The following LYZL4 variants were observed in gnomAD, a reference collection of about 807,000 sequenced individuals.
LYZL4 encodes lysozyme-like protein 4.
In LYZL4, 13 loss-of-function variants were observed where a neutral mutation model predicts 17.6. The observed-to-expected ratio is 0.74, with a 90% CI of 0.48 to 1.18. The LOEUF is 1.18. Among genes scored for constraint, LYZL4 ranks in the 50% most tolerant of loss-of-function variants. LYZL4 has a pLI of 0.00. For missense variants in LYZL4, 174 were observed against 188.2 expected, an observed-to-expected ratio of 0.92 and a Z score of 0.44; for synonymous variants, 64 against 67.7, an observed-to-expected ratio of 0.95 and a Z score of 0.27.
At chr3:42,382,004 A>G in the LYZL4 span, among the ~76,000 whole-genome samples, 1 of 152,240 alleles carries the variant, frequency 6.6e-6, no homozygotes, top group Non-Finnish European at 1.5e-5. Flanking sequence ...AGCACTTTAA[A>G]ACTTTTAAAG....
chr3:42,365,095 A>C, the LYZL4 span, among the ~76,000 whole-genome samples: 5 of 152,196 alleles, frequency 3.3e-5, no homozygotes, highest in African/African-American at 9.7e-5. Flanking sequence ...AAAGAGATTT[A>C]AGGACATAAT....
At chr3:42,394,834 G>A (rs1052567504), downstream of LYZL4, among the ~76,000 whole-genome samples, 1 of 152,244 alleles carries the variant, frequency 6.6e-6, no homozygotes, top group Non-Finnish European at 1.5e-5. Flanking sequence ...GCTGGAAAGA[G>A]GCGGCAGCGC....
the LYZL4 span, among the ~76,000 whole-genome samples, chr3:42,368,799 A>G: frequency 4.6e-4 from 70 of 152,304 alleles, no homozygotes; most frequent in Non-Finnish European, 8.5e-4. Context: ...CCATCTGTAT[A>G]TTATCATTTA....
chr3:42,369,861 C>T, the LYZL4 span, among the ~76,000 whole-genome samples: 8 of 152,126 alleles, frequency 5.3e-5, no homozygotes, highest in Admixed American at 4.6e-4. Context: ...CTGCTCCCTT[C>T]GAGTTCAGTT....
the LYZL4 span, among the ~76,000 whole-genome samples, chr3:42,391,286 G>A: frequency 6.6e-6 from 1 of 152,210 alleles, no homozygotes; most frequent in Non-Finnish European, 1.5e-5. Flanking sequence ...TACATATTTA[G>A]AAGTCATAAA....
At chr3:42,362,027 T>C in the LYZL4 span, among the ~76,000 whole-genome samples, 1 of 152,200 alleles carries the variant, frequency 6.6e-6, no homozygotes, top group Non-Finnish European at 1.5e-5. Context: ...ATTAGGAACA[T>C]GTCACAAGAG....
chr3:42,361,562 T>TA, the LYZL4 span, among the ~76,000 whole-genome samples: 28 of 146,180 alleles, frequency 1.9e-4, no homozygotes, highest in African/African-American at 5.2e-4. Flanking sequence ...CCCCATCTCT[T>TA]AAAAAAATTT....
the LYZL4 span, among the ~76,000 whole-genome samples, chr3:42,375,132 C>G: frequency 3.3e-5 from 5 of 152,106 alleles, no homozygotes; most frequent in Non-Finnish European, 5.9e-5. Flanking sequence ...TTTTTGGTGC[C>G]TAAAAATCAA....
chr3:42,384,032 AC>A, the LYZL4 span, among the ~76,000 whole-genome samples: 1 of 152,196 alleles, frequency 6.6e-6, no homozygotes, highest in Non-Finnish European at 1.5e-5. Flanking sequence ...GAGGAAATAG[AC>A]CCCACATTGA....
chr3:42,387,768 T>C, the LYZL4 span, among the ~76,000 whole-genome samples: 3 of 152,214 alleles, frequency 2.0e-5, no homozygotes, highest in African/African-American at 7.2e-5. Flanking sequence ...ATGGATCATC[T>C]GCCTACCTCC....
chr3:42,402,920 G>C (rs1698682461), intron 4 of LYZL4, among the ~76,000 whole-genome samples: 1 of 152,206 alleles, frequency 6.6e-6, no homozygotes, highest in Non-Finnish European at 1.5e-5. Flanking sequence ...GTATAGCAAT[G>C]AGAATGAATC....
the LYZL4 span, among the ~76,000 whole-genome samples, chr3:42,387,175 G>A: frequency 1.6e-4 from 24 of 152,060 alleles, no homozygotes; most frequent in African/African-American, 4.3e-4. Flanking sequence ...GCAATCCCTC[G>A]TGCATTGCTA....
At chr3:42,372,463 C>T in the LYZL4 span, among the ~76,000 whole-genome samples, 19 of 152,312 alleles carry the variant, frequency 1.2e-4, no homozygotes, top group African/African-American at 4.6e-4. Context: ...TTCTGGGAAA[C>T]ACCAGTATGA....
chr3:42,391,552 A>G, the LYZL4 span, among the ~76,000 whole-genome samples: 119 of 152,354 alleles, frequency 7.8e-4, no homozygotes, highest in African/African-American at 2.8e-3. Flanking sequence ...AGAATTGATC[A>G]CAGCATTTTG....
At chr3:42,401,413 G>A (rs374478919) in intron 4 of LYZL4, among the ~76,000 whole-genome samples, 11 of 151,834 alleles carry the variant, frequency 7.2e-5, no homozygotes, top group East Asian at 5.8e-4. Context: ...ATGGGGTTTC[G>A]CCATGTTGGC....
the LYZL4 span, among the ~76,000 whole-genome samples, chr3:42,376,314 GC>G: frequency 6.6e-6 from 1 of 151,972 alleles, no homozygotes; most frequent in Admixed American, 6.6e-5. Flanking sequence ...CATTGTTGGT[GC>G]CCCCCCACCC....
At chr3:42,376,319 C>A in the LYZL4 span, among the ~76,000 whole-genome samples, 2 of 152,132 alleles carry the variant, frequency 1.3e-5, no homozygotes, top group Non-Finnish European at 2.9e-5. Context: ...TTGGTGCCCC[C>A]CCACCCTCTG....
chr3:42,364,028 T>C, the LYZL4 span, among the ~76,000 whole-genome samples: 6 of 152,154 alleles, frequency 3.9e-5, no homozygotes, highest in East Asian at 7.7e-4. Flanking sequence ...GTAGAACACC[T>C]TGTGACCCTC....
At chr3:42,382,106 T>A in the LYZL4 span, among the ~76,000 whole-genome samples, 1 of 152,252 alleles carries the variant, frequency 6.6e-6, no homozygotes, top group Non-Finnish European at 1.5e-5. Flanking sequence ...ACGGATCACC[T>A]ACTGTTTGCC....
Sources: allele counts gnomAD v4.1 joint callset (sites outside exome capture counted in the v4.1 genomes callset), GRCh38; gene constraint gnomAD v4.1.1; transcripts MANE v1.5; gene names NCBI Gene and HGNC (gene_info 2026-07-23, HGNC 2026-07-21).